Variants in HPSE2 observed in about 807,000 individuals in gnomAD.
HPSE2 encodes the protein heparanase 2 (inactive).
Under a neutral mutation model 60.5 loss-of-function variants are expected in HPSE2, and 38 were observed. The ratio of observed to expected loss-of-function variants is 0.63; its 90% CI spans 0.48 to 0.82. The LOEUF is 0.82. Among genes scored for constraint, HPSE2 ranks in the 40% least tolerant of loss-of-function variants. HPSE2 has a pLI of 0.00. For missense variants in HPSE2, 713 were observed against 740.4 expected, an observed-to-expected ratio of 0.96 and a Z score of 0.43; for synonymous variants, 295 against 293.2, an observed-to-expected ratio of 1.01 and a Z score of -0.06.
intron 2 of HPSE2, among the ~76,000 whole-genome samples, chr10:99,198,704 AAC>A (rs1450103034): frequency 6.6e-6 from 1 of 152,184 alleles, no homozygotes; most frequent in African/African-American, 2.4e-5. Flanking sequence ...TTGTGGTAAT[AAC>A]ACAACATGAG....
chr10:98,507,047 C>T (rs556054964), intron 9 of HPSE2, among the ~76,000 whole-genome samples: 22 of 152,216 alleles, frequency 1.4e-4, no homozygotes, highest in African/African-American at 4.8e-4. Context: ...TTAAAATTAG[C>T]GCATGCATAT....
chr10:99,305,969 G>GCGCGCGTGCA, the HPSE2 span, among the ~76,000 whole-genome samples: 2 of 50,918 alleles, frequency 3.9e-5, no homozygotes, highest in African/African-American at 1.9e-4. Flanking sequence ...ACACGCGCGC[G>GCGCGCGTGCA]CGCGCGCGCG....
chr10:99,090,063 A>C (rs1843458858), intron 3 of HPSE2, among the ~76,000 whole-genome samples: 1 of 152,098 alleles, frequency 6.6e-6, no homozygotes, highest in African/African-American at 2.4e-5. Flanking sequence ...CCAGTCTAGG[A>C]GCTTTTTGGA....
intron 2 of HPSE2, among the ~76,000 whole-genome samples, chr10:99,163,018 G>A (rs1170872384): frequency 6.6e-6 from 1 of 152,046 alleles, no homozygotes; most frequent in African/African-American, 2.4e-5. Flanking sequence ...GATCATCCTG[G>A]CTAACACGGT....
At chr10:99,227,175 G>C (rs1849500210) in intron 2 of HPSE2, among the ~76,000 whole-genome samples, 1 of 152,038 alleles carries the variant, frequency 6.6e-6, no homozygotes, top group South Asian at 2.1e-4. Context: ...CTAGAGAAAA[G>C]AGAATAATAA....
intron 11 of HPSE2, among the ~76,000 whole-genome samples, chr10:98,464,112 T>A (rs2133585162): frequency 6.6e-6 from 1 of 152,198 alleles, no homozygotes; most frequent in South Asian, 2.1e-4. Flanking sequence ...CGAGACTCTG[T>A]CTCAAAAAAA....
intron 3 of HPSE2, among the ~76,000 whole-genome samples, chr10:99,008,897 C>T (rs1463621237): frequency 6.6e-6 from 1 of 152,074 alleles, no homozygotes; most frequent in African/African-American, 2.4e-5. Context: ...CAACAGAGTT[C>T]AGTCCTATTT....
intron 3 of HPSE2, among the ~76,000 whole-genome samples, chr10:99,111,793 G>T (rs558521396): frequency 2.0e-5 from 3 of 152,262 alleles, no homozygotes; most frequent in African/African-American, 7.2e-5. Flanking sequence ...TGTAAGAGTA[G>T]GAAACTTTTA....
chr10:98,996,221 G>A (rs1190619644), intron 3 of HPSE2, among the ~76,000 whole-genome samples: 1 of 152,068 alleles, frequency 6.6e-6, no homozygotes, highest in African/African-American at 2.4e-5. Flanking sequence ...TTAATATTAT[G>A]AAAAGTTGAG....
chr10:98,702,520 T>TCAAC (rs1948438830), intron 5 of HPSE2, among the ~76,000 whole-genome samples: 4 of 152,066 alleles, frequency 2.6e-5, no homozygotes, highest in African/African-American at 9.6e-5. Flanking sequence ...TATTCTAAAA[T>TCAAC]CAACCACACA....
intron 3 of HPSE2, among the ~76,000 whole-genome samples, chr10:99,078,237 TTA>T (rs1843013606): frequency 1.3e-5 from 2 of 152,216 alleles, no homozygotes; most frequent in African/African-American, 4.8e-5. Context: ...ACAATCATCA[TTA>T]TGATTATTTT....
At chr10:98,546,518 A>G (rs1237414280) in intron 9 of HPSE2, among the ~76,000 whole-genome samples, 2 of 151,878 alleles carry the variant, frequency 1.3e-5, no homozygotes, top group African/African-American at 4.8e-5. Flanking sequence ...CAACTATCTG[A>G]TCTTTGACAA....
At chr10:99,175,161 T>A (rs1847474296) in intron 2 of HPSE2, among the ~76,000 whole-genome samples, 1 of 152,158 alleles carries the variant, frequency 6.6e-6, no homozygotes, top group Non-Finnish European at 1.5e-5. Flanking sequence ...ACCAGGGCCC[T>A]GGGTTTCAGG....
At chr10:99,263,078 C>T in the HPSE2 span, among the ~76,000 whole-genome samples, 18 of 152,248 alleles carry the variant, frequency 1.2e-4, no homozygotes, top group African/African-American at 3.6e-4. Flanking sequence ...CACATTATTC[C>T]GGATACCACA....
intron 6 of HPSE2, among the ~76,000 whole-genome samples, chr10:98,652,244 A>G (rs1165343466): frequency 6.6e-6 from 1 of 152,218 alleles, no homozygotes; most frequent in Non-Finnish European, 1.5e-5. Flanking sequence ...TACACAGAAC[A>G]AAAGGAAAAT....
chr10:98,677,307 C>T (rs1947670040), intron 6 of HPSE2, among the ~76,000 whole-genome samples: 1 of 152,208 alleles, frequency 6.6e-6, no homozygotes, highest in Admixed American at 6.5e-5. Flanking sequence ...GGTTACCCCA[C>T]AGAACCATCT....
At chr10:99,309,944 T>C in the HPSE2 span, among the ~76,000 whole-genome samples, 1 of 152,230 alleles carries the variant, frequency 6.6e-6, no homozygotes, top group Admixed American at 6.5e-5. Context: ...TTTATTCTCT[T>C]ACAGTTTGGG....
intron 2 of HPSE2, among the ~76,000 whole-genome samples, chr10:99,153,026 A>G (rs1438612913): frequency 6.6e-6 from 1 of 152,200 alleles, no homozygotes; most frequent in Admixed American, 6.5e-5. Flanking sequence ...TCCCATCCAA[A>G]TATTGCGCAT....
At chr10:99,042,430 TC>T (rs1957761431) in intron 3 of HPSE2, among the ~76,000 whole-genome samples, 1 of 151,800 alleles carries the variant, frequency 6.6e-6, no homozygotes, top group Non-Finnish European at 1.5e-5. Flanking sequence ...TCCCAGACAG[TC>T]CCTCTGCCAT....
Sources: gnomAD v4.1 joint callset for allele counts (sites outside exome capture counted in the v4.1 genomes callset) on GRCh38, gnomAD v4.1.1 for gene constraint, MANE v1.5 for transcripts, NCBI Gene and HGNC (gene_info 2026-07-23, HGNC 2026-07-21) for gene names.